Variants in MACROD2 observed in about 807,000 individuals in gnomAD.
MACROD2 encodes the protein ADP-ribose glycohydrolase MACROD2.
In MACROD2, 36 loss-of-function variants were observed where a neutral mutation model predicts 70.4. The observed-to-expected ratio is 0.51, with a 90% CI of 0.39 to 0.68. MACROD2 has a LOEUF of 0.68. Ranked by LOEUF, MACROD2 falls within the 30% of genes least tolerant of loss-of-function variation. MACROD2 has a pLI of 0.00. For synonymous variants in MACROD2, 172 were observed against 178.8 expected, an observed-to-expected ratio of 0.96 and a Z score of 0.30; for missense variants, 496 against 538.4, an observed-to-expected ratio of 0.92 and a Z score of 0.78.
intron 4 of MACROD2, among the ~76,000 whole-genome samples, chr20:14,515,399 A>G (rs2085080648): frequency 6.6e-6 from 1 of 151,636 alleles, no homozygotes; most frequent in Non-Finnish European, 1.5e-5. Flanking sequence ...CATAGCCAAG[A>G]TATGGAAGCA....
At chr20:14,906,449 G>A (rs1385102794) in intron 5 of MACROD2, among the ~76,000 whole-genome samples, 5 of 152,076 alleles carry the variant, frequency 3.3e-5, no homozygotes, top group East Asian at 1.9e-4. Flanking sequence ...AGCTGAGATC[G>A]TGCCACTGCA....
intron 4 of MACROD2, chr20:14,621,964 A>C (rs1983851645): frequency 6.6e-6 from 1 of 152,146 alleles, no homozygotes; most frequent in Non-Finnish European, 1.5e-5. Context: ...CATTTGCCTC[A>C]GTTTCCATAT....
At chr20:14,145,983 G>C (rs992608751) in intron 3 of MACROD2, among the ~76,000 whole-genome samples, 3 of 152,096 alleles carry the variant, frequency 2.0e-5, no homozygotes, top group Non-Finnish European at 4.4e-5. Context: ...TCTATTGAAC[G>C]GTTCCTTTTT....
At chr20:15,160,970 G>C (rs1009551561) in intron 5 of MACROD2, among the ~76,000 whole-genome samples, 4 of 110,570 alleles carry the variant, frequency 3.6e-5, no homozygotes, top group Non-Finnish European at 8.0e-5. Context: ...ATCAAGGAGT[G>C]GATGACACAC....
At chr20:15,486,023 GA>G (rs2047158686) in intron 7 of MACROD2, among the ~76,000 whole-genome samples, 1 of 152,148 alleles carries the variant, frequency 6.6e-6, no homozygotes, top group Non-Finnish European at 1.5e-5. Context: ...GCAATTTGGG[GA>G]GTTTAAGAAG....
rs140216151 is a variant in MACROD2, at chr20:15,924,601, A to G, written c.776-8675A>G. On this transcript the variant is annotated intron_variant, in intron 10 of 17. Coordinates refer to ENST00000684519, the MANE Select transcript of MACROD2 (RefSeq NM_001351661.2). ...CCTTTCCATTCCTCTCCCTTCTGTC[A>G]ACTCCTAAAGGGAAAGGCTTTTGTC... 3.7e-3 allele frequency among the ~76,000 whole-genome samples: 559 copies of G among 152,308 alleles called. 2 individuals carry two copies. The highest frequency in any genetic ancestry group is 0.013 in the African/African-American group (536 of 41,562).
chr20:15,297,786 C>A (rs1057030458), intron 6 of MACROD2, among the ~76,000 whole-genome samples: 1 of 152,188 alleles, frequency 6.6e-6, no homozygotes, highest in Non-Finnish European at 1.5e-5. Flanking sequence ...TCTCCATTGA[C>A]AGGTCCTGGT....
intron 3 of MACROD2, among the ~76,000 whole-genome samples, chr20:14,380,808 C>T (rs1200001432): frequency 6.6e-6 from 1 of 152,074 alleles, no homozygotes; most frequent in Admixed American, 6.5e-5. Flanking sequence ...AATTATTGTA[C>T]CTTTATAGTG....
chr20:14,020,022 C>A (rs546241003), intron 2 of MACROD2, among the ~76,000 whole-genome samples: 1 of 152,046 alleles, frequency 6.6e-6, no homozygotes, highest in East Asian at 1.9e-4. Flanking sequence ...AAAATTAGCT[C>A]GGGCCATGCC....
At chr20:15,599,248 C>T (rs1215442723) in intron 8 of MACROD2, among the ~76,000 whole-genome samples, 3 of 151,960 alleles carry the variant, frequency 2.0e-5, no homozygotes, top group Non-Finnish European at 4.4e-5. Flanking sequence ...GAAAATTAGC[C>T]GGGCATGGTG....
At chr20:15,303,796 G>A (rs1191644335) in intron 6 of MACROD2, among the ~76,000 whole-genome samples, 2 of 151,806 alleles carry the variant, frequency 1.3e-5, no homozygotes, top group African/African-American at 4.8e-5. Flanking sequence ...CTACCAACAC[G>A]CCAGTTCTGA....
intron 8 of MACROD2, among the ~76,000 whole-genome samples, chr20:15,606,046 A>G (rs1051162915): frequency 6.6e-6 from 1 of 151,930 alleles, no homozygotes; most frequent in Non-Finnish European, 1.5e-5. Context: ...TCTACTTTTA[A>G]TGCCTTTGTT....
At chr20:15,717,774 G>A (rs1357324315) in intron 8 of MACROD2, among the ~76,000 whole-genome samples, 1 of 152,138 alleles carries the variant, frequency 6.6e-6, no homozygotes, top group African/African-American at 2.4e-5. Flanking sequence ...GGAATTGTAG[G>A]GAGGGAGCCT....
At chr20:14,763,565 AAAG>A (rs371566692) in intron 5 of MACROD2, among the ~76,000 whole-genome samples, 7 of 152,268 alleles carry the variant, frequency 4.6e-5, no homozygotes, top group African/African-American at 7.2e-5. Flanking sequence ...ACTGACAGTA[AAAG>A]AAGAAGTTCT....
intron 8 of MACROD2, among the ~76,000 whole-genome samples, chr20:15,825,049 T>C (rs2063981877): frequency 6.6e-6 from 1 of 152,230 alleles, no homozygotes; most frequent in Non-Finnish European, 1.5e-5. Flanking sequence ...TTTCTAATGA[T>C]GGTCCATTGA....
chr20:14,050,318 A>G (rs2053547376), intron 2 of MACROD2, among the ~76,000 whole-genome samples: 1 of 152,138 alleles, frequency 6.6e-6, no homozygotes, highest in Admixed American at 6.5e-5. Flanking sequence ...ATGGCTCTGT[A>G]TGTGTGTAAT....
chr20:14,474,490 G>A (rs1209901004), intron 3 of MACROD2, among the ~76,000 whole-genome samples: 1 of 152,116 alleles, frequency 6.6e-6, no homozygotes, highest in Non-Finnish European at 1.5e-5. Flanking sequence ...GGTTCATTTG[G>A]TTAGAATGCA....
At chr20:15,121,275 G>A (rs988066066) in intron 5 of MACROD2, among the ~76,000 whole-genome samples, 13 of 152,128 alleles carry the variant, frequency 8.5e-5, no homozygotes, top group Non-Finnish European at 1.3e-4. Context: ...ACTTTGGGAA[G>A]CCAAGGCAGG....
At chr20:14,152,178 TTA>T (rs769951427) in intron 3 of MACROD2, among the ~76,000 whole-genome samples, 4 of 152,162 alleles carry the variant, frequency 2.6e-5, no homozygotes, top group Non-Finnish European at 5.9e-5. Flanking sequence ...GCTACATACT[TTA>T]TGTGTATTTC....
Sources: allele counts gnomAD v4.1 joint callset (sites outside exome capture counted in the v4.1 genomes callset), GRCh38; gene constraint gnomAD v4.1.1; transcripts MANE v1.5; gene names NCBI Gene and HGNC (gene_info 2026-07-23, HGNC 2026-07-21).